The following ADAM23 variants were observed in gnomAD, a reference collection of about 807,000 sequenced individuals.
The protein encoded by ADAM23 is disintegrin and metalloproteinase domain-containing protein 23.
ADAM23 carries 33 observed loss-of-function variants against 120.1 expected under a neutral mutation model. The ratio of observed to expected loss-of-function variants is 0.27; its 90% CI spans 0.21 to 0.37. The LOEUF (loss-of-function observed/expected upper bound fraction) is 0.37, where lower values mean the gene tolerates loss of function less well. Among genes scored for constraint, ADAM23 ranks in the 10% least tolerant of loss-of-function variants. ADAM23 has a pLI of 1.00. For missense variants in ADAM23, 862 were observed against 1,058.2 expected (o/e 0.81, Z 2.57); for synonymous variants, 367 against 375.2 (o/e 0.98, Z 0.25).
intron 3 of ADAM23, among the ~76,000 whole-genome samples, chr2:206,488,888 G>T (rs968633284): frequency 6.6e-6 from 1 of 152,196 alleles, no homozygotes; most frequent in Non-Finnish European, 1.5e-5. Context: ...CAAACTCCTG[G>T]GGTGAGTCAG....
chr2:206,590,540 C>T (rs910057923), intron 21 of ADAM23, among the ~76,000 whole-genome samples: 6 of 152,158 alleles, frequency 3.9e-5, no homozygotes, highest in Middle Eastern at 3.2e-3. Flanking sequence ...TGAAAATTCT[C>T]CTAATTTTGA....
chr2:206,522,855 A>G (rs1473579811), intron 3 of ADAM23, among the ~76,000 whole-genome samples: 4 of 151,960 alleles, frequency 2.6e-5, no homozygotes, highest in African/African-American at 9.7e-5. Flanking sequence ...AGATTGTGAA[A>G]GTAACCATGA....
At chr2:206,596,225 C>CAGT (rs1362915411) in intron 24 of ADAM23, 63 bp downstream of exon 24, 1 of 1,237,072 alleles carries the variant, frequency 8.1e-7, no homozygotes, top group African/African-American at 1.5e-5. Context: ...TCCAATGCAC[C>CAGT]AGTATAACAT....
chr2:206,589,612 A>G, intron 21 of ADAM23, 98 bp downstream of exon 21: 2 of 961,314 alleles, frequency 2.1e-6, no homozygotes, highest in Non-Finnish European at 3.0e-6. Flanking sequence ...ATTTTTTTCT[A>G]AGTGTTCACC....
At chr2:206,513,488 A>G (rs1236829178) in intron 3 of ADAM23, among the ~76,000 whole-genome samples, 3 of 152,230 alleles carry the variant, frequency 2.0e-5, no homozygotes, top group Admixed American at 6.5e-5. Context: ...AAAAAGCTGC[A>G]GAAGAAAAGT....
chr2:206,559,455 C>G (rs1004223823), intron 10 of ADAM23, among the ~76,000 whole-genome samples: 1 of 152,140 alleles, frequency 6.6e-6, no homozygotes, highest in African/African-American at 2.4e-5. Context: ...GAGTCTCTCT[C>G]TCTCCCAATG....
chr2:206,564,268 TGAAGA>T (rs898940179), intron 13 of ADAM23, among the ~76,000 whole-genome samples: 5 of 152,082 alleles, frequency 3.3e-5, no homozygotes, highest in African/African-American at 1.2e-4. Flanking sequence ...AAAAAATTAA[TGAAGA>T]GAAGAGCCCA....
intron 21 of ADAM23, among the ~76,000 whole-genome samples, chr2:206,591,312 A>G (rs1005586077): frequency 2.6e-5 from 4 of 152,224 alleles, no homozygotes; most frequent in African/African-American, 9.7e-5. Flanking sequence ...GAAATAGTGC[A>G]GATACCTTCA....
In ADAM23 at chr2:206,497,773, TCTC is replaced by T. The variant is rs1302167417; in HGVS notation, c.509+16468_509+16470del. Among the ~76,000 whole-genome samples the T allele has an allele frequency of 3.3e-5, 5 of 152,254 alleles. No homozygotes were observed. In the South Asian group the frequency reaches 6.2e-4, roughly 19 times the overall value. ...AAAACCCCATCATCTCAGCCCAAAA[TCTC>T]CTTAAGCTGATAAGCAACTTCAGCA... On this transcript the variant is annotated intron_variant, in intron 3 of 25. Transcript: ENST00000264377.
chr2:206,506,915 A>G (rs1400414112), intron 3 of ADAM23, among the ~76,000 whole-genome samples: 1 of 152,210 alleles, frequency 6.6e-6, no homozygotes, highest in Non-Finnish European at 1.5e-5. Flanking sequence ...GTCAAAATTA[A>G]TTGTTAGATA....
intron 13 of ADAM23, among the ~76,000 whole-genome samples, chr2:206,562,507 C>A (rs1318627030): frequency 6.6e-6 from 1 of 151,850 alleles, no homozygotes; most frequent in East Asian, 1.9e-4. Flanking sequence ...AAAATCATAC[C>A]CAGTTTCTCC....
chr2:206,473,348 C>G (rs1208191489), intron 2 of ADAM23, among the ~76,000 whole-genome samples: 2 of 152,146 alleles, frequency 1.3e-5, no homozygotes, highest in Admixed American at 6.6e-5. Context: ...CTCCAGCCCC[C>G]AGCAGACTCA....
rs186217899 is a variant in ADAM23, at chr2:206,494,464, C to T, written c.509+13156C>T. Among the ~76,000 whole-genome samples the T allele has an allele frequency of 1.5e-3, 223 of 152,266 alleles. 6 individuals carry two copies. Among genetic ancestry groups the T allele is most frequent in the Non-Finnish European group, 1.4e-3 (93 of 68,026 alleles). Reference sequence around the variant, plus strand: ...CTCATAGGGAAACAAGAATAAGATGCAGTTCGTTTAAGGAGCCCACAGTTT... The same window carrying T: ...CTCATAGGGAAACAAGAATAAGATGTAGTTCGTTTAAGGAGCCCACAGTTT... On this transcript the variant is annotated intron_variant, in intron 3 of 25. Transcript: ENST00000264377.
chr2:206,516,657 C>A (rs1696737319), intron 3 of ADAM23, among the ~76,000 whole-genome samples: 1 of 152,044 alleles, frequency 6.6e-6, no homozygotes, highest in Non-Finnish European at 1.5e-5. Flanking sequence ...AACCTAATTA[C>A]CTCCTAAAAG....
chr2:206,543,394 G>A, intron 6 of ADAM23, 78 bp downstream of exon 6: 5 of 1,248,214 alleles, frequency 4.0e-6, no homozygotes, highest in South Asian at 1.2e-5. Context: ...AGAGAAAAGA[G>A]TGTAGATTTC....
intron 11 of ADAM23, 60 bp from the exon 12 acceptor site, chr2:206,561,068 G>A: frequency 6.9e-7 from 1 of 1,445,668 alleles, no homozygotes; most frequent in Non-Finnish European, 9.7e-7. Context: ...ACATATTTTG[G>A]GAGAGTATGA....
intron 2 of ADAM23, among the ~76,000 whole-genome samples, chr2:206,474,025 C>CA (rs543494446): frequency 0.078 from 9,968 of 128,038 alleles, 953 homozygotes; most frequent in African/African-American, 0.24. Context: ...AAAAAAAAAA[C>CA]AAAAAAAAAA....
intron 25 of ADAM23, among the ~76,000 whole-genome samples, chr2:206,612,874 C>G (rs1698852621): frequency 6.6e-6 from 1 of 152,130 alleles, no homozygotes; most frequent in African/African-American, 2.4e-5. Context: ...GAAAATAATA[C>G]TGATTTAAAT....
At chr2:206,516,290 A>C (rs1345566609) in intron 3 of ADAM23, among the ~76,000 whole-genome samples, 1 of 151,898 alleles carries the variant, frequency 6.6e-6, no homozygotes, top group African/African-American at 2.4e-5. Context: ...TAACAATAGA[A>C]TTTTCAGGAA....
Sources: gnomAD v4.1 joint callset for allele counts (sites outside exome capture counted in the v4.1 genomes callset) on GRCh38, gnomAD v4.1.1 for gene constraint, MANE v1.5 for transcripts, NCBI Gene and HGNC (gene_info 2026-07-23, HGNC 2026-07-21) for gene names.